Variants in SPTA1 observed in about 807,000 individuals in gnomAD.
SPTA1 encodes the protein spectrin alpha chain, erythrocytic 1.
In SPTA1, 177 loss-of-function variants were observed where a neutral mutation model predicts 324.7. The observed-to-expected ratio is 0.55, with a 90% confidence interval of 0.48 to 0.62. The LOEUF is 0.62. Ranked by LOEUF, SPTA1 falls within the 20% of genes least tolerant of loss-of-function variation. The pLI, the probability that SPTA1 is intolerant of heterozygous loss-of-function variation, is 0.00. For missense variants in SPTA1, 3,162 were observed against 2,883.6 expected (o/e 1.10, Z -2.21); for synonymous variants, 1,195 against 1,041.3 (o/e 1.15, Z -2.84).
At chr1:158,684,495 G>A (rs1489665398) in intron 2 of SPTA1, among the ~76,000 whole-genome samples, 1 of 151,998 alleles carries the variant, frequency 6.6e-6, no homozygotes, top group Non-Finnish European at 1.5e-5. Flanking sequence ...GATGAGTATT[G>A]TAACCATCAA....
At position 158,672,106 on chromosome 1, in the gene SPTA1, A is replaced by G. The variant is rs778546973; in HGVS notation, c.1441T>C (p.Phe481Leu). 15 of 1,613,998 alleles carry G rather than the reference A, an allele frequency of 9.3e-6. No individual in the cohort carries two copies. The African/African-American group carries it at 1.5e-4, about 16-fold the overall frequency. Residue 481 changes from phenylalanine to leucine, a missense_variant, in exon 11 of 52, where the codon TTC becomes CTC. Transcript: ENST00000643759. ...QYEQCLDFHL[F>L]YRDSEQVDSW... ...TCCACTTGCTCACTGTCTCTGTAGA[A>G]GAGATGAAAGTCCAAGCACTGCTCA...
chr1:158,665,570 A>G (rs1428898702), intron 16 of SPTA1, among the ~76,000 whole-genome samples: 1 of 152,198 alleles, frequency 6.6e-6, no homozygotes, highest in Non-Finnish European at 1.5e-5. Flanking sequence ...TAGAATATCC[A>G]CAACCTAGGA....
intron 24 of SPTA1, among the ~76,000 whole-genome samples, chr1:158,650,221 T>G (rs148824828): frequency 4.3e-4 from 66 of 152,322 alleles, no homozygotes; most frequent in African/African-American, 1.6e-3. Flanking sequence ...GACTGCACTG[T>G]AAACTCCAAA....
chr1:158,632,406 C>T (rs972753684), intron 39 of SPTA1, among the ~76,000 whole-genome samples: 2 of 152,122 alleles, frequency 1.3e-5, no homozygotes, highest in African/African-American at 2.4e-5. Context: ...ATGTTATACA[C>T]GTATAAATGT....
intron 25 of SPTA1, among the ~76,000 whole-genome samples, 162 bp from the exon 26 acceptor site, chr1:158,648,815 G>A (rs1416703376): frequency 1.6e-5 from 2 of 121,790 alleles, no homozygotes; most frequent in Admixed American, 1.2e-4. Context: ...TAGAAACTTA[G>A]GCTCATTTAA....
chr1:158,685,298 T>G lies in SPTA1; in HGVS notation c.74A>C (p.Gln25Pro). 1 of 1,613,864 alleles carries G rather than the reference T, an allele frequency of 6.2e-7. No homozygotes were observed. ...AGTCAACACTTCCTGACGCCTCTCC[T>G]GGATCTCTTCTGCTGTTTCCAAAAC... The part of the protein sequence containing the change: ...PKVLETAEEI[Q>P]ERRQEVLTRY... Residue 25 changes from glutamine (Q) to proline (P), a missense_variant, in exon 2 of 52, where the codon CAG becomes CCG. By Grantham distance (76) the Gln-to-Pro change is moderately conservative. Transcript: ENST00000643759.
intron 42 of SPTA1, among the ~76,000 whole-genome samples, chr1:158,625,825 A>G (rs1044426295): frequency 6.1e-4 from 93 of 151,858 alleles, no homozygotes; most frequent in Admixed American, 5.9e-4. Context: ...AGAAATTAAA[A>G]GAAAACATTA....
chr1:158,644,437 T>C, intron 29 of SPTA1, 41 bp from the exon 30 acceptor site: 1 of 1,612,470 alleles, frequency 6.2e-7, no homozygotes, highest in Non-Finnish European at 8.5e-7. Context: ...ATAGTCCATG[T>C]GGTGTGGAGG....
intron 33 of SPTA1, among the ~76,000 whole-genome samples, chr1:158,641,553 G>C (rs1166405757): frequency 1.3e-5 from 2 of 152,116 alleles, no homozygotes; most frequent in East Asian, 3.8e-4. Flanking sequence ...AAAGACACAT[G>C]AAAAAATGCT....
In SPTA1 at chr1:158,661,212, C is replaced by G. The variant is rs369552759; in HGVS notation, c.2587+75G>C. 3.6e-5 allele frequency: 58 copies of G among 1,608,574 alleles called. No homozygotes were observed. The Middle Eastern group carries it at 4.9e-4, about 14-fold the overall frequency. On this transcript the variant is annotated intron_variant, in intron 18 of 51. Coordinates refer to ENST00000643759, the MANE Select transcript of SPTA1 (RefSeq NM_003126.4). ...GATATTTTTAAATTCCCTTGAAACC[C>G]TAGGATAGTACAAACTTCTTCCCAG...
intron 25 of SPTA1, 149 bp downstream of exon 25, chr1:158,649,707 T>C (rs1652276213): frequency 1.4e-6 from 1 of 692,306 alleles, no homozygotes; most frequent in Admixed American, 2.3e-5. Context: ...GAAGTGAGAA[T>C]CATACTACTA....
Position 158,686,123 on chromosome 1 carries a change from ATAGAGTT to A in SPTA1, c.24+364_24+370del, listed in dbSNP as rs551479850. On this transcript the variant is annotated intron_variant, in intron 1 of 51. Coordinates refer to ENST00000643759, the MANE Select transcript of SPTA1 (RefSeq NM_003126.4). The stretch of plus-strand genomic sequence containing the variant: ...GCTTACCTCAGCCAAAATGTTTAAT[ATAGAGTT>A]TAAATTTTAATCTCCCATTATTCCT... Among the ~76,000 whole-genome samples the A allele has an allele frequency of 2.9e-3, 440 of 152,326 alleles. 1 individual carries two copies. The highest frequency in any genetic ancestry group is 2.7e-3 in the Non-Finnish European group (184 of 68,016).
At position 158,626,146 on chromosome 1, in the gene SPTA1, C is replaced by T. The variant is rs1459601686; in HGVS notation, c.5910G>A (p.Gln1970=). The T allele has an allele frequency of 6.2e-7, 1 of 1,613,426 alleles. No homozygotes were observed. Residue 1970 remains glutamine (Q), a splice_region_variant and synonymous_variant, in exon 42 of 52, where the codon CAG becomes CAA. Coordinates refer to ENST00000643759, the MANE Select transcript of SPTA1 (RefSeq NM_003126.4). The stretch of plus-strand genomic sequence containing the variant: ...CTTACCTAACATCTATCAATCTCAC[C>T]TGTTTTGCCAGAAGAGTGAGGAAGT... ...LGDFLTLLAK[Q]DTLDASLQSF...
At chr1:158,649,710 T>C (rs1652276419) in intron 25 of SPTA1, 146 bp downstream of exon 25, 5 of 699,774 alleles carry the variant, frequency 7.1e-6, no homozygotes, top group South Asian at 6.9e-5. Flanking sequence ...GTGAGAATCA[T>C]ACTACTAAAA....
At position 158,677,769 on chromosome 1, in the gene SPTA1, C is replaced by T. The variant is rs1159379854; in HGVS notation, c.878G>A (p.Gly293Asp). 1.9e-6 allele frequency: 3 copies of T among 1,613,570 alleles called. No individual in the cohort carries two copies. Among genetic ancestry groups the T allele is most frequent in the Non-Finnish European group, 2.5e-6 (3 of 1,179,760 alleles). The change falls in exon 7 of 52, where the codon GGC becomes GAC. Residue 293 changes from glycine to aspartate, a missense_variant. Transcript: ENST00000643759. ...KEPVLTSEDY[G>D]KDLVASEGLF... is the part of the protein sequence containing the mutation. ...TCCTTCAGAGGCAACAAGGTCTTTG[C>T]CATAGTCCTCAGAGGTGAGTACAGG... is the stretch of plus-strand genomic sequence containing the variant.
rs1465115808 is a variant in SPTA1 at position 158,648,590 on chromosome 1, AGG to A, written c.3631_3632del (p.Pro1211TrpfsTer15). On this transcript the variant is annotated frameshift_variant, in exon 26 of 52. Transcript: ENST00000643759. LOFTEE classifies it high-confidence loss of function. The stretch of plus-strand genomic sequence containing the variant: ...CCTGAACACTGAACAGATCTGAGCC[AGG>A]GTCTGCAGCACTGAGGGCCTGGCAT... ...KKCQALSAAD[P>X]GSDLFSVQAL... The A allele has an allele frequency of 6.2e-7, 1 of 1,613,894 alleles. No individual in the cohort carries two copies. The highest frequency in any genetic ancestry group is 1.7e-5 in the Admixed American group (1 of 59,974).
rs1485723850 is a variant in SPTA1 at position 158,666,351 on chromosome 1, G to A, written c.2185C>T (p.His729Tyr). ...LAEVQNRLRK[H>Y]GLLESAVAAR... is the part of the protein sequence containing the mutation. The stretch of plus-strand genomic sequence containing the variant: ...GCCACAGCCGACTCCAGGAGGCCGT[G>A]TTTCCTGAGTCGATTCTGTACCTCG... Residue 729 changes from histidine (H) to tyrosine (Y), a missense_variant, in exon 16 of 52, where the codon CAC becomes TAC. By Grantham distance (83) the His-to-Tyr change is moderately conservative. Coordinates refer to ENST00000643759, the MANE Select transcript of SPTA1 (RefSeq NM_003126.4). 1.9e-6 allele frequency: 3 copies of A among 1,613,768 alleles called. No individual in the cohort carries two copies. Among genetic ancestry groups the A allele is most frequent in the East Asian group, 2.2e-5 (1 of 44,866 alleles).
chr1:158,649,977 A>G (rs1652301203), intron 24 of SPTA1, 30 bp from the exon 25 acceptor site: 2 of 1,492,602 alleles, frequency 1.3e-6, no homozygotes, highest in Non-Finnish European at 1.9e-6. Flanking sequence ...CAGACTTGAG[A>G]CAGAGAACTA....
At chr1:158,665,749 A>T (rs892716405) in intron 16 of SPTA1, among the ~76,000 whole-genome samples, 3 of 152,148 alleles carry the variant, frequency 2.0e-5, no homozygotes, top group Non-Finnish European at 4.4e-5. Flanking sequence ...TCCTTATTTT[A>T]AAAAAATGTA....
Sources: allele counts gnomAD v4.1 joint callset (sites outside exome capture counted in the v4.1 genomes callset), GRCh38; gene constraint gnomAD v4.1.1; transcripts MANE v1.5; gene names NCBI Gene and HGNC (gene_info 2026-07-23, HGNC 2026-07-21).